KY: variants seen among roughly 807,000 people sequenced by gnomAD.
The protein encoded by KY is kyphoscoliosis peptidase.
In KY, 43 loss-of-function variants were observed where a neutral mutation model predicts 76.1. The ratio of observed to expected loss-of-function variants is 0.57; its 90% confidence interval spans 0.44 to 0.73. The LOEUF is 0.73. Among genes scored for constraint, KY ranks in the 30% least tolerant of loss-of-function variants. KY has a pLI of 0.00. For missense variants in KY, 722 were observed against 828.9 expected, an observed-to-expected ratio of 0.87 and a Z score of 1.58; for synonymous variants, 277 against 326.2, an observed-to-expected ratio of 0.85 and a Z score of 1.63.
chr3:134,618,354 A>C (rs904103555), intron 8 of KY, among the ~76,000 whole-genome samples: 5 of 152,166 alleles, frequency 3.3e-5, no homozygotes, highest in Admixed American at 3.3e-4. Context: ...GTGGGCTGAC[A>C]TCTGGGTGCC....
chr3:134,650,698 T>G, intron 1 of KY, 127 bp downstream of exon 1: 130 of 820,512 alleles, frequency 1.6e-4, no homozygotes, highest in Middle Eastern at 3.8e-4. Flanking sequence ...ACGGCAGCCA[T>G]GGGGGAGAGG....
chr3:134,634,260 A>G (rs1964617564), intron 3 of KY, among the ~76,000 whole-genome samples: 1 of 152,200 alleles, frequency 6.6e-6, no homozygotes, highest in African/African-American at 2.4e-5. Context: ...TAATTATAAA[A>G]TATAGACATC....
At chr3:134,625,997 G>A (rs190600479) in intron 5 of KY, among the ~76,000 whole-genome samples, 2 of 152,384 alleles carry the variant, frequency 1.3e-5, no homozygotes, top group East Asian at 3.9e-4. Context: ...CTGCAAGGCT[G>A]CCTGGCCAAT....
intron 6 of KY, 39 bp downstream of exon 6, chr3:134,625,014 C>A: frequency 6.5e-7 from 1 of 1,550,160 alleles, no homozygotes; most frequent in South Asian, 1.2e-5. Context: ...TCTAAGCCAC[C>A]TTGAAGGGGC....
intron 10 of KY, chr3:134,607,593 T>C: frequency 1.0e-6 from 1 of 985,610 alleles, no homozygotes. Flanking sequence ...TGCCCAGCAC[T>C]GGATCAGGTG....
chr3:134,651,013 C>T lies in KY; in HGVS notation c.-53G>A. On this transcript the variant is annotated 5_prime_UTR_variant, in exon 1 of 11. Transcript: ENST00000423778. Reference sequence around the variant, plus strand: ...CCGCGGCCGCACGCTAGGCTGCTTGCGCTGCAAATGGCCCCGTGCGCGCAG... The same window carrying T: ...CCGCGGCCGCACGCTAGGCTGCTTGTGCTGCAAATGGCCCCGTGCGCGCAG... The T allele has an allele frequency of 1.2e-6, 2 of 1,609,864 alleles. No individual in the cohort carries two copies. The highest frequency in any genetic ancestry group is 1.1e-5 in the South Asian group (1 of 90,594).
chr3:134,635,113 A>G (rs895077913), intron 3 of KY, among the ~76,000 whole-genome samples: 1 of 152,248 alleles, frequency 6.6e-6, no homozygotes, highest in Non-Finnish European at 1.5e-5. Flanking sequence ...TTTGTATAGC[A>G]GCTCTATTCA....
chr3:134,623,072 G>T (rs1255827754), intron 6 of KY, among the ~76,000 whole-genome samples: 1 of 152,178 alleles, frequency 6.6e-6, no homozygotes, highest in Non-Finnish European at 1.5e-5. Flanking sequence ...GCCCCGAATG[G>T]TACTCAGCAT....
intron 8 of KY, among the ~76,000 whole-genome samples, chr3:134,618,498 G>T (rs1961972613): frequency 6.6e-6 from 1 of 152,134 alleles, no homozygotes; most frequent in African/African-American, 2.4e-5. Context: ...CAGAGGGTAG[G>T]CTCAGGAAGC....
At position 134,604,194 on chromosome 3, in the gene KY, G is replaced by C; in HGVS notation, c.1371C>G (p.Phe457Leu). The C allele has an allele frequency of 6.2e-7, 1 of 1,612,192 alleles. No homozygotes were observed. The highest frequency in any genetic ancestry group is 8.5e-7 in the Non-Finnish European group (1 of 1,179,198). Residue 457 changes from phenylalanine to leucine, a missense_variant, in exon 11 of 11, where the codon TTC becomes TTG. Physicochemically the swap from Phe to Leu is conservative, Grantham distance 22. This residue lies in a region of KY where 552 missense variants were observed against 680.9 expected (regional missense o/e 0.81). Coordinates refer to ENST00000423778, the MANE Select transcript of KY (RefSeq NM_178554.6). ...GCTTCATGATGCCCATCTGCTCCGA[G>C]AACCAGCTGGGGCCCACGGGCTGGT... ...ELHQPVGPSW[F>L]SEQMGIMKPS...
chr3:134,640,894 T>G (rs1173942871), intron 3 of KY, among the ~76,000 whole-genome samples: 1 of 152,178 alleles, frequency 6.6e-6, no homozygotes, highest in African/African-American at 2.4e-5. Context: ...CTCTGTTTAT[T>G]CTCTACGCAT....
At chr3:134,630,192 G>A (rs1324935492) in intron 3 of KY, among the ~76,000 whole-genome samples, 6 of 152,178 alleles carry the variant, frequency 3.9e-5, no homozygotes, top group Non-Finnish European at 8.8e-5. Flanking sequence ...GAACCCCTAA[G>A]AGTCAGAGAG....
intron 5 of KY, among the ~76,000 whole-genome samples, chr3:134,626,226 G>A (rs1440300835): frequency 2.0e-5 from 3 of 152,226 alleles, no homozygotes; most frequent in South Asian, 2.1e-4. Context: ...CCTCCATGTC[G>A]GGAGCCTCTG....
chr3:134,621,303 T>A (rs1962574606), intron 6 of KY, among the ~76,000 whole-genome samples: 1 of 152,122 alleles, frequency 6.6e-6, no homozygotes, highest in South Asian at 2.1e-4. Flanking sequence ...GGACACAAGT[T>A]CCCCATTTTC....
rs1276639012 is a variant in KY at position 134,602,759 on chromosome 3, G to T, written c.*820C>A. Among the ~76,000 whole-genome samples, 2 of 152,170 alleles carry T rather than the reference G, an allele frequency of 1.3e-5. No homozygotes were observed. The highest frequency in any genetic ancestry group is 2.9e-5 in the Non-Finnish European group (2 of 68,024). On this transcript the variant is annotated 3_prime_UTR_variant, in exon 11 of 11. Transcript: ENST00000423778. Reference sequence around the variant, plus strand: ...CCTTAGACTGAACTACCTGCCCTGTGTACTCCTCTCAGAGCAGAGCTGGAG... The same window carrying T: ...CCTTAGACTGAACTACCTGCCCTGTTTACTCCTCTCAGAGCAGAGCTGGAG...
chr3:134,637,634 T>C (rs1009305632), intron 3 of KY, among the ~76,000 whole-genome samples: 9 of 152,208 alleles, frequency 5.9e-5, no homozygotes, highest in Admixed American at 3.3e-4. Context: ...TCCCCAAACT[T>C]CTCATAATGC....
At chr3:134,639,664 G>T (rs1225695247) in intron 3 of KY, among the ~76,000 whole-genome samples, 1 of 152,004 alleles carries the variant, frequency 6.6e-6, no homozygotes, top group East Asian at 1.9e-4. Context: ...TGTCCTTTGG[G>T]GTCAGGCATG....
At chr3:134,648,273 G>A (rs1367792524) in intron 1 of KY, among the ~76,000 whole-genome samples, 1 of 152,154 alleles carries the variant, frequency 6.6e-6, no homozygotes, top group African/African-American at 2.4e-5. Flanking sequence ...TGGAAGCTCA[G>A]CCTTGAGTCT....
chr3:134,615,930 G>A (rs1223043569), intron 8 of KY, among the ~76,000 whole-genome samples: 15 of 152,192 alleles, frequency 9.9e-5, no homozygotes, highest in Admixed American at 9.8e-4. Flanking sequence ...ACATCTGATT[G>A]GTGACAACCA....
Sources: allele counts gnomAD v4.1 joint callset (sites outside exome capture counted in the v4.1 genomes callset), GRCh38; gene constraint gnomAD v4.1.1; regional missense constraint gnomAD v4.1.1; transcripts MANE v1.5; gene names NCBI Gene and HGNC (gene_info 2026-07-23, HGNC 2026-07-21).